Variants in ARHGEF3 observed in about 807,000 individuals in gnomAD.
ARHGEF3 encodes Rho guanine nucleotide exchange factor 3, also known as 59.8 kDA protein.
A neutral mutation model predicts 63.2 loss-of-function variants in ARHGEF3; 28 were observed. That is an observed-to-expected ratio of 0.44 (90% CI 0.33 to 0.61). ARHGEF3 has a LOEUF of 0.61. Among genes scored for constraint, ARHGEF3 ranks in the 20% least tolerant of loss-of-function variants. The pLI is 0.03. For synonymous variants in ARHGEF3, 266 were observed against 254.2 expected, an observed-to-expected ratio of 1.05 and a Z score of -0.44; for missense variants, 533 against 659.3, an observed-to-expected ratio of 0.81 and a Z score of 2.10.
At chr3:57,065,947 A>T (rs1391599266) in intron 1 of ARHGEF3, among the ~76,000 whole-genome samples, 1 of 151,932 alleles carries the variant, frequency 6.6e-6, no homozygotes, top group East Asian at 1.9e-4. Context: ...TGGGCACAGT[A>T]ATTCACATCT....
intron 3 of ARHGEF3, among the ~76,000 whole-genome samples, chr3:56,925,048 C>T (rs531266542): frequency 2.0e-5 from 3 of 152,368 alleles, no homozygotes; most frequent in African/African-American, 7.2e-5. Flanking sequence ...CATACACTTG[C>T]TTCCCAGCCT....
At chr3:56,829,978 T>C (rs765850964) in intron 4 of ARHGEF3, among the ~76,000 whole-genome samples, 15 of 152,254 alleles carry the variant, frequency 9.9e-5, no homozygotes, top group Non-Finnish European at 1.8e-4. Context: ...ATGATCGTGT[T>C]ATGGCACTTC....
At chr3:57,005,023 A>G (rs778922749) in intron 2 of ARHGEF3, among the ~76,000 whole-genome samples, 5 of 151,762 alleles carry the variant, frequency 3.3e-5, no homozygotes, top group Non-Finnish European at 5.9e-5. Context: ...TGGAGGTACA[A>G]AAAAGGAAAG....
At chr3:56,760,199 T>C (rs1163891241) in intron 2 of ARHGEF3, among the ~76,000 whole-genome samples, 1 of 152,190 alleles carries the variant, frequency 6.6e-6, no homozygotes, top group East Asian at 1.9e-4. Context: ...TACCACTAAG[T>C]TGACCTCCAA....
intron 5 of ARHGEF3, 55 bp downstream of exon 5, chr3:56,751,245 A>G: frequency 6.4e-7 from 1 of 1,555,854 alleles, no homozygotes; most frequent in Non-Finnish European, 8.9e-7. Context: ...CACTCATTAT[A>G]AGACAACTCA....
chr3:57,077,996 G>T (rs1053015271), intron 1 of ARHGEF3, among the ~76,000 whole-genome samples: 12 of 152,206 alleles, frequency 7.9e-5, no homozygotes, highest in Non-Finnish European at 1.6e-4. Flanking sequence ...CCACCTCATT[G>T]AGAAGCTAGG....
At position 56,833,649 on chromosome 3, in the gene ARHGEF3, C is replaced by T. The variant is rs543954208; in HGVS notation, c.192+48643G>A. Among the ~76,000 whole-genome samples the T allele has an allele frequency of 5.3e-5, 8 of 152,290 alleles. No individual in the cohort carries two copies. In the East Asian group the frequency reaches 1.5e-3, roughly 29 times the overall value. ...TTCTTCACTGTTACAAAATGTGTCG[C>T]ACTTCCCTATACACGCCTCCTTCTG... On this transcript the variant is annotated intron_variant, in intron 4 of 12. Transcript: ENST00000338458.
At chr3:56,851,245 AC>A (rs2039666394) in intron 4 of ARHGEF3, among the ~76,000 whole-genome samples, 1 of 150,450 alleles carries the variant, frequency 6.6e-6, no homozygotes, top group African/African-American at 2.5e-5. Flanking sequence ...TCACCTTCCC[AC>A]CTCCCTCCTA....
intron 4 of ARHGEF3, among the ~76,000 whole-genome samples, chr3:56,868,077 T>G (rs1300469189): frequency 6.6e-6 from 1 of 152,102 alleles, no homozygotes; most frequent in East Asian, 1.9e-4. Context: ...TCAAACAACC[T>G]CGTTCTCCCT....
At chr3:56,943,523 G>A (rs1261616791) in intron 3 of ARHGEF3, among the ~76,000 whole-genome samples, 2 of 152,150 alleles carry the variant, frequency 1.3e-5, no homozygotes, top group Non-Finnish European at 2.9e-5. Context: ...AGCTCTACAA[G>A]GAGATTAATG....
At chr3:56,902,611 CT>C (rs2041549941) in intron 3 of ARHGEF3, among the ~76,000 whole-genome samples, 1 of 152,196 alleles carries the variant, frequency 6.6e-6, no homozygotes, top group African/African-American at 2.4e-5. Flanking sequence ...CCAAAAAGTA[CT>C]GAGTTTCGAG....
chr3:56,859,491 G>A lies in ARHGEF3; in HGVS notation c.192+22801C>T, dbSNP rs138478027. Among the ~76,000 whole-genome samples the A allele has an allele frequency of 3.0e-3, 460 of 151,544 alleles. 2 individuals are homozygous for A. The highest frequency in any genetic ancestry group is 0.011 in the African/African-American group (434 of 41,330). ...CACACCACCTTGTTGCCTAAATCCAGGGCAGACTGAGCCCACATCCCTCTT... is the reference window on the plus strand; with the variant it reads ...CACACCACCTTGTTGCCTAAATCCAAGGCAGACTGAGCCCACATCCCTCTT... On this transcript the variant is annotated intron_variant, in intron 4 of 12. Transcript: ENST00000338458.
chr3:56,883,989 C>T (rs529377989), intron 3 of ARHGEF3, among the ~76,000 whole-genome samples: 1 of 152,088 alleles, frequency 6.6e-6, no homozygotes, highest in South Asian at 2.1e-4. Flanking sequence ...TTACTATGTG[C>T]TGGGCCCTGT....
At chr3:56,827,251 A>G (rs1008212739) in intron 4 of ARHGEF3, among the ~76,000 whole-genome samples, 2 of 152,266 alleles carry the variant, frequency 1.3e-5, no homozygotes, top group Non-Finnish European at 2.9e-5. Flanking sequence ...TCTGTAATAT[A>G]TAAAGACTTC....
intron 2 of ARHGEF3, among the ~76,000 whole-genome samples, chr3:56,986,518 G>C (rs1323173595): frequency 1.3e-5 from 2 of 152,232 alleles, no homozygotes; most frequent in African/African-American, 4.8e-5. Flanking sequence ...AGGACCTGCA[G>C]TGATAGAAGA....
At chr3:57,057,836 T>C (rs1490366842) in intron 1 of ARHGEF3, among the ~76,000 whole-genome samples, 2 of 152,150 alleles carry the variant, frequency 1.3e-5, no homozygotes, top group African/African-American at 4.8e-5. Flanking sequence ...TGCCTCCTAC[T>C]ATAACAGACA....
At chr3:57,057,039 C>T (rs983477965) in intron 1 of ARHGEF3, among the ~76,000 whole-genome samples, 12 of 152,060 alleles carry the variant, frequency 7.9e-5, no homozygotes, top group African/African-American at 2.9e-4. Context: ...CTTGGTAGTA[C>T]CTCCAGCTGT....
intron 3 of ARHGEF3, among the ~76,000 whole-genome samples, chr3:56,944,995 G>T (rs1335456156): frequency 6.6e-6 from 1 of 152,180 alleles, no homozygotes; most frequent in Non-Finnish European, 1.5e-5. Flanking sequence ...CAAGCTGCAG[G>T]ATCTGAGAGG....
intron 3 of ARHGEF3, among the ~76,000 whole-genome samples, chr3:56,946,568 G>C (rs1324995263): frequency 6.6e-6 from 1 of 152,116 alleles, no homozygotes; most frequent in African/African-American, 2.4e-5. Context: ...GAGAAGAAAA[G>C]TTTAGAGAAA....
Sources: allele counts gnomAD v4.1 joint callset (sites outside exome capture counted in the v4.1 genomes callset), GRCh38; gene constraint gnomAD v4.1.1; transcripts MANE v1.5; gene names NCBI Gene and HGNC (gene_info 2026-07-23, HGNC 2026-07-21).